The following NOP58 variants were observed in gnomAD, a reference collection of about 807,000 sequenced individuals.
NOP58 encodes the protein NOP58 ribonucleoprotein.
NOP58 carries 44 observed loss-of-function variants against 71.2 expected under a neutral mutation model. The ratio of observed to expected loss-of-function variants is 0.62; its 90% CI spans 0.49 to 0.79. The LOEUF (loss-of-function observed/expected upper bound fraction) is 0.79. Ranked by LOEUF, NOP58 falls within the 30% of genes least tolerant of loss-of-function variation. NOP58 has a pLI of 0.00. For missense variants in NOP58, 538 were observed against 620.2 expected, an observed-to-expected ratio of 0.87 and a Z score of 1.41; for synonymous variants, 228 against 200.3, an observed-to-expected ratio of 1.14 and a Z score of -1.17.
chr2:202,299,310 A>C (rs1689050847), intron 12 of NOP58, among the ~76,000 whole-genome samples: 1 of 152,160 alleles, frequency 6.6e-6, no homozygotes, highest in Non-Finnish European at 1.5e-5. Context: ...GAGAGTAATT[A>C]ATATATAGAA....
Position 202,302,969 on chromosome 2 carries a change from TGAA to T in NOP58, c.1464_1466del (p.Lys489del), listed in dbSNP as rs547177759. On this transcript the variant is annotated inframe_deletion, in exon 14 of 15. Coordinates refer to ENST00000264279, the MANE Select transcript of NOP58 (RefSeq NM_015934.5). ...GTGGCAGAAGAAGAAGAAACATCTG[TGAA>T]GAAGAAGAAGAAAAGGGGTAAAAAG... The T allele has an allele frequency of 1.6e-4, 264 of 1,609,442 alleles. No homozygotes were observed. Among genetic ancestry groups the T allele is most frequent in the Admixed American group, 1.3e-3 (78 of 59,976 alleles).
intron 9 of NOP58, among the ~76,000 whole-genome samples, chr2:202,294,752 C>G (rs1688962445): frequency 6.6e-6 from 1 of 152,028 alleles, no homozygotes. Context: ...ATCACGAGGT[C>G]AGGAGTTCAA....
intron 6 of NOP58, among the ~76,000 whole-genome samples, chr2:202,288,384 T>C (rs907874391): frequency 5.3e-5 from 8 of 151,430 alleles, no homozygotes; most frequent in Admixed American, 4.6e-4. Context: ...CTCGGGAGGC[T>C]GAGGCAGGAG....
chr2:202,291,068 A>G, intron 7 of NOP58, 57 bp from the exon 8 acceptor site: 1 of 1,435,426 alleles, frequency 7.0e-7, no homozygotes, highest in South Asian at 1.6e-5. Context: ...TATTTGCTGG[A>G]TTTTATATAA....
intron 3 of NOP58, among the ~76,000 whole-genome samples, chr2:202,278,940 T>C: frequency 6.6e-6 from 1 of 152,176 alleles, no homozygotes; most frequent in Admixed American, 6.6e-5. Flanking sequence ...TAGGGCCAGT[T>C]TCTTTGTTTT....
At chr2:202,291,787 C>G (rs1192235040) in intron 8 of NOP58, among the ~76,000 whole-genome samples, 1 of 63,838 alleles carries the variant, frequency 1.6e-5, no homozygotes, top group Non-Finnish European at 2.8e-5. Context: ...GCCTGGGCAA[C>G]AAGAGCAAAA....
At chr2:202,266,085 G>T (rs934372527) in intron 1 of NOP58, 99 bp downstream of exon 1, 13 of 1,353,104 alleles carry the variant, frequency 9.6e-6, no homozygotes, top group Non-Finnish European at 1.4e-5. Flanking sequence ...TAGCGTGGGT[G>T]CCTGTTATAG....
intron 4 of NOP58, 84 bp downstream of exon 4, chr2:202,282,556 G>C (rs1574381176): frequency 7.4e-7 from 1 of 1,347,240 alleles, no homozygotes; most frequent in East Asian, 2.4e-5. Flanking sequence ...GCAATAAGTT[G>C]CTTATCATAA....
In NOP58 at chr2:202,282,331, T is replaced by C. The variant is rs1200369790; in HGVS notation, c.176-20T>C. 2.5e-6 allele frequency: 4 copies of C among 1,586,998 alleles called. No individual in the cohort carries two copies. Among genetic ancestry groups the C allele is most frequent in the South Asian group, 1.2e-5 (1 of 85,808 alleles). The stretch of plus-strand genomic sequence containing the variant: ...AAAAATTTGAGAGTTAATGCTTTTG[T>C]TTTTCTTTTTCTTGAAAAGCATTCA... On this transcript the variant is annotated intron_variant, in intron 3 of 14. Transcript: ENST00000264279.
At position 202,271,083 on chromosome 2, in the gene NOP58, C is replaced by CAA. The variant is rs199511240; in HGVS notation, c.46-4022_46-4021dup. 5.7e-4 allele frequency among the ~76,000 whole-genome samples: 84 copies of CAA among 147,580 alleles called. 1 individual carries two copies. The South Asian group carries it at 0.017, about 31-fold the overall frequency. ...TGCGTGACAGGGCGAGACACTGTCT[C>CAA]AAAAAAAAACAAAAAAAGTGATTAA... On this transcript the variant is annotated intron_variant, in intron 1 of 14. Coordinates refer to ENST00000264279, the MANE Select transcript of NOP58 (RefSeq NM_015934.5).
At chr2:202,297,998 C>T (rs964642050) in intron 12 of NOP58, 92 bp downstream of exon 12, 3 of 746,392 alleles carry the variant, frequency 4.0e-6, no homozygotes, top group South Asian at 2.5e-5. Context: ...CCTTGATGTG[C>T]CCATAGTTTT....
At chr2:202,281,230 G>A (rs1292470339) in intron 3 of NOP58, among the ~76,000 whole-genome samples, 1 of 151,098 alleles carries the variant, frequency 6.6e-6, no homozygotes, top group Non-Finnish European at 1.5e-5. Flanking sequence ...GGGTTCAAGC[G>A]ATTCTCCTAC....
At position 202,303,422 on chromosome 2, in the gene NOP58, G is replaced by A; in HGVS notation, c.1576G>A (p.Glu526Lys). The change falls in exon 15 of 15, where the codon GAG becomes AAG. Residue 526 changes from glutamate to lysine, a missense_variant. By Grantham distance (56) the Glu-to-Lys change is moderately conservative. Transcript: ENST00000264279. ...AAAGAAGAAAAAGAAAAAAAAGAGA[G>A]AGAACGAGGATTAACAGAAAGGAAT... ...EKKKKKKKKR[E>K]NED is the part of the protein sequence containing the mutation. The A allele has an allele frequency of 6.2e-7, 1 of 1,611,216 alleles. No homozygotes were observed. Among genetic ancestry groups the A allele is most frequent in the Non-Finnish European group, 8.5e-7 (1 of 1,178,544 alleles).
At chr2:202,276,009 A>G (rs1396111214) in intron 2 of NOP58, among the ~76,000 whole-genome samples, 2 of 152,192 alleles carry the variant, frequency 1.3e-5, no homozygotes, top group East Asian at 1.9e-4. Context: ...GGACCACACT[A>G]GTATGTTCCC....
In NOP58 at chr2:202,302,127, G is replaced by T. The variant is rs1297294541; in HGVS notation, c.1403-794G>T. Reference sequence around the variant, plus strand: ...TTTTGAGACAGAGTCTCCCTCTGTCGCCCAGGCTGAAGTGCAGTGGCGTGA... The same window carrying T: ...TTTTGAGACAGAGTCTCCCTCTGTCTCCCAGGCTGAAGTGCAGTGGCGTGA... On this transcript the variant is annotated intron_variant, in intron 13 of 14. Transcript: ENST00000264279. Among the ~76,000 whole-genome samples the T allele has an allele frequency of 2.5e-5, 3 of 118,438 alleles. No homozygotes were observed. In the South Asian group the frequency reaches 8.4e-4, roughly 33 times the overall value. 77.7% of individuals were successfully genotyped at this position (118,438 alleles called of 152,430 possible). A position where few individuals can be genotyped will look rare whatever the true frequency, so the allele number is the denominator to read the frequency against.
chr2:202,297,393 G>C lies in NOP58; in HGVS notation c.1086G>C (p.Leu362=). 1 of 1,612,786 alleles carries C rather than the reference G, an allele frequency of 6.2e-7. No homozygotes were observed. The highest frequency in any genetic ancestry group is 8.5e-7 in the Non-Finnish European group (1 of 1,179,312). ...TTTTCTATTAGATTTCTCGAATGCT[G>C]GCAGCCAAAACCGTTTTGGCTATCC... is the stretch of plus-strand genomic sequence containing the variant. ...PKHKGKISRM[L]AAKTVLAIRY... Residue 362 remains leucine, a synonymous_variant, in exon 11 of 15, where the codon CTG becomes CTC. Coordinates refer to ENST00000264279, the MANE Select transcript of NOP58 (RefSeq NM_015934.5).
At chr2:202,284,745 A>C (rs1222813551) in intron 5 of NOP58, 10 of 354,144 alleles carry the variant, frequency 2.8e-5, no homozygotes, top group Non-Finnish European at 4.6e-5. Flanking sequence ...GGAATTCTCT[A>C]CTACTCTGAT....
intron 14 of NOP58, 21 bp from the exon 15 acceptor site, chr2:202,303,365 A>G: frequency 6.2e-7 from 1 of 1,611,990 alleles, no homozygotes; most frequent in Non-Finnish European, 8.5e-7. Flanking sequence ...CTTTCAAAGC[A>G]TTCTTGTTGG....
At chr2:202,280,451 G>C (rs1205098067) in intron 3 of NOP58, among the ~76,000 whole-genome samples, 1 of 152,016 alleles carries the variant, frequency 6.6e-6, no homozygotes, top group African/African-American at 2.4e-5. Flanking sequence ...GCTGGGTTCA[G>C]CCTCCAAAGT....
Sources: allele counts gnomAD v4.1 joint callset (sites outside exome capture counted in the v4.1 genomes callset), GRCh38; gene constraint gnomAD v4.1.1; transcripts MANE v1.5; gene names NCBI Gene and HGNC (gene_info 2026-07-23, HGNC 2026-07-21).